The following CDR2 variants were observed in gnomAD, a reference collection of about 807,000 sequenced individuals.
CDR2 encodes the protein cerebellar degeneration-related protein 2.
In CDR2, 34 loss-of-function variants were observed where a neutral mutation model predicts 48.4. That is an observed-to-expected ratio of 0.70 (90% confidence interval 0.53 to 0.94). The LOEUF is 0.94. Ranked by LOEUF, CDR2 falls within the 40% of genes least tolerant of loss-of-function variation. The probability of loss-of-function intolerance (pLI) is 0.00; values close to 1 mark genes in which losing one functional copy is unlikely to be tolerated. For synonymous variants in CDR2, 240 were observed against 219.7 expected, an observed-to-expected ratio of 1.09 and a Z score of -0.82; for missense variants, 498 against 549.5, an observed-to-expected ratio of 0.91 and a Z score of 0.94.
intron 3 of CDR2, 85 bp from the exon 4 acceptor site, chr16:22,349,528 T>G (rs2048928464): frequency 6.7e-7 from 1 of 1,481,860 alleles, no homozygotes. Context: ...TGCAAACCAC[T>G]CACACTGGGC....
Position 22,347,178 on chromosome 16 carries a change from A to G in CDR2, c.1152T>C (p.Ala384=). The G allele has an allele frequency of 6.2e-7, 1 of 1,614,240 alleles. No homozygotes were observed. The highest frequency in any genetic ancestry group is 8.5e-7 in the Non-Finnish European group (1 of 1,180,038). The change falls in exon 5 of 5, where the codon GCT becomes GCC. Residue 384 remains alanine (A), a synonymous_variant. Coordinates refer to ENST00000268383, the MANE Select transcript of CDR2 (RefSeq NM_001802.2). Reference sequence around the variant, plus strand: ...TCACTCCAGTCAGGTCCTTGGCTGCAGCCCTGGAGGTCTGCACAGCCTTGT... The same window carrying G: ...TCACTCCAGTCAGGTCCTTGGCTGCGGCCCTGGAGGTCTGCACAGCCTTGT... ...LSHKAVQTSR[A]AAKDLTGVNA...
Position 22,347,435 on chromosome 16 carries a change from G to A in CDR2, c.895C>T (p.Pro299Ser), listed in dbSNP as rs773613659. The A allele has an allele frequency of 3.1e-6, 5 of 1,613,766 alleles. No individual in the cohort carries two copies. The Admixed American group carries it at 8.3e-5, about 27-fold the overall frequency. The change falls in exon 5 of 5, where the codon CCG becomes TCG. Residue 299 changes from proline (P) to serine (S), a missense_variant. Physicochemically the swap from Pro to Ser is moderately conservative, Grantham distance 74. Transcript: ENST00000268383. ...TTGAGAGGCTTTCTATGTGATTCCG[G>A]CACAGTCAGGAACATCTCTTCCAGC... ...SLLEEMFLTV[P>S]ESHRKPLKRS...
Position 22,346,428 on chromosome 16 carries a change from A to G in CDR2, c.*537T>C, listed in dbSNP as rs2048904610. ...TCACAGTTCAACTAGTTCAGATATAACAAAACTCAAGGACTTGGAGTATTG... is the reference window on the plus strand; with the variant it reads ...TCACAGTTCAACTAGTTCAGATATAGCAAAACTCAAGGACTTGGAGTATTG... On this transcript the variant is annotated 3_prime_UTR_variant, in exon 5 of 5. Coordinates refer to ENST00000268383, the MANE Select transcript of CDR2 (RefSeq NM_001802.2). 6.4e-6 allele frequency: 1 copy of G among 155,052 alleles called. No individual in the cohort carries two copies. The highest frequency in any genetic ancestry group is 2.4e-5 in the African/African-American group (1 of 41,464). The allele number at this position is 155,052 out of a possible 1,614,324, so 9.6% of individuals were successfully genotyped here.
At chr16:22,372,863 ATTCTT>A (rs2049087594) in intron 1 of CDR2, among the ~76,000 whole-genome samples, 2 of 152,212 alleles carry the variant, frequency 1.3e-5, no homozygotes, top group South Asian at 4.1e-4. Context: ...TCAGGTCTAC[ATTCTT>A]TTCTTCTGCC....
rs1336219844 is a variant in CDR2, at chr16:22,346,947, G to T, written c.*18C>A. 6.3e-7 allele frequency: 1 copy of T among 1,597,176 alleles called. No homozygotes were observed. The highest frequency in any genetic ancestry group is 8.6e-7 in the Non-Finnish European group (1 of 1,167,702). On this transcript the variant is annotated 3_prime_UTR_variant, in exon 5 of 5. Coordinates refer to ENST00000268383, the MANE Select transcript of CDR2 (RefSeq NM_001802.2). ...GCGATAGGCAATAGGCAAATTAGTA[G>T]TAGAGCTAGAGGTTCAATTAAGAAT...
At chr16:22,373,400 A>G (rs1393176870) in intron 1 of CDR2, among the ~76,000 whole-genome samples, 1 of 152,178 alleles carries the variant, frequency 6.6e-6, no homozygotes, top group Non-Finnish European at 1.5e-5. Context: ...TTAACGCCCA[A>G]CTGAAAAAAA....
In CDR2 at chr16:22,374,225, C is replaced by A; in HGVS notation, c.79+6G>T. 1 of 1,589,228 alleles carries A rather than the reference C, an allele frequency of 6.3e-7. No homozygotes were observed. The highest frequency in any genetic ancestry group is 1.1e-5 in the South Asian group (1 of 88,874). Reference sequence around the variant, plus strand: ...CCGCCCGCCCGCGGGGCGCCCCCGCCCTCACCTTGCTGGAGGTCCTGGTGG... The same window carrying A: ...CCGCCCGCCCGCGGGGCGCCCCCGCACTCACCTTGCTGGAGGTCCTGGTGG... On this transcript the variant is annotated splice_donor_region_variant and intron_variant, in intron 1 of 4. Transcript: ENST00000268383.
chr16:22,347,969 C>CAAAA, intron 4 of CDR2, 146 bp from the exon 5 acceptor site: 1 of 760,128 alleles, frequency 1.3e-6, no homozygotes, highest in Non-Finnish European at 2.1e-6. Context: ...GACGGAGTCT[C>CAAAA]ACTTTGTCGC....
intron 2 of CDR2, among the ~76,000 whole-genome samples, chr16:22,352,822 A>G (rs149629388): frequency 6.6e-6 from 1 of 152,352 alleles, no homozygotes; most frequent in Non-Finnish European, 1.5e-5. Flanking sequence ...GCCTGTGTGT[A>G]GTCTTCACTG....
chr16:22,372,418 G>A (rs969865148), intron 1 of CDR2, among the ~76,000 whole-genome samples: 2 of 152,100 alleles, frequency 1.3e-5, no homozygotes, highest in African/African-American at 2.4e-5. Flanking sequence ...TATTAAAATC[G>A]AGCTTCCAGT....
At chr16:22,351,751 G>C (rs1213501499) in intron 2 of CDR2, among the ~76,000 whole-genome samples, 1 of 152,160 alleles carries the variant, frequency 6.6e-6, no homozygotes, top group African/African-American at 2.4e-5. Flanking sequence ...CAAGGATAAA[G>C]GGGAATAATC....
chr16:22,367,574 A>T (rs2049051632), intron 1 of CDR2, among the ~76,000 whole-genome samples: 1 of 152,244 alleles, frequency 6.6e-6, no homozygotes, highest in Non-Finnish European at 1.5e-5. Flanking sequence ...TATGAAAAAA[A>T]TTTATCATAA....
intron 1 of CDR2, 52 bp downstream of exon 1, chr16:22,374,179 G>C: frequency 2.5e-6 from 3 of 1,196,266 alleles, no homozygotes; most frequent in Non-Finnish European, 3.6e-6. Context: ...TTTCGCAGCG[G>C]GGGCCTCCCG....
At chr16:22,347,937 A>AC in intron 4 of CDR2, 114 bp from the exon 5 acceptor site, 4 of 1,025,436 alleles carry the variant, frequency 3.9e-6, no homozygotes, top group Non-Finnish European at 4.2e-6. Flanking sequence ...ACAGTGACTA[A>AC]TTTTTTTTTC....
At chr16:22,364,498 T>C (rs75436575) in intron 2 of CDR2, among the ~76,000 whole-genome samples, 2,587 of 152,236 alleles carry the variant, frequency 0.017, 95 homozygotes, top group East Asian at 0.1. Flanking sequence ...AGTCTTCTTT[T>C]TTAAGCTAGG....
intron 1 of CDR2, among the ~76,000 whole-genome samples, chr16:22,373,700 CACCT>C (rs2049094185): frequency 6.6e-6 from 1 of 152,248 alleles, no homozygotes; most frequent in Non-Finnish European, 1.5e-5. Flanking sequence ...CAAATATATA[CACCT>C]ACCATGTACC....
At chr16:22,356,448 T>C (rs969871581) in intron 2 of CDR2, among the ~76,000 whole-genome samples, 1 of 151,980 alleles carries the variant, frequency 6.6e-6, no homozygotes, top group Non-Finnish European at 1.5e-5. Context: ...CAAAACCCCG[T>C]CTCTACTAAA....
chr16:22,365,083 T>A (rs2141851990), intron 1 of CDR2, 69 bp from the exon 2 acceptor site: 1 of 1,019,456 alleles, frequency 9.8e-7, no homozygotes. Flanking sequence ...AACCCAGTCC[T>A]TCAAAAAAGA....
intron 1 of CDR2, among the ~76,000 whole-genome samples, chr16:22,373,947 C>G (rs1426731951): frequency 6.6e-6 from 1 of 152,260 alleles, no homozygotes; most frequent in Non-Finnish European, 1.5e-5. Context: ...GAGGATTAAA[C>G]TAGCTAATCC....
Sources: allele counts gnomAD v4.1 joint callset (sites outside exome capture counted in the v4.1 genomes callset), GRCh38; gene constraint gnomAD v4.1.1; transcripts MANE v1.5; gene names NCBI Gene and HGNC (gene_info 2026-07-23, HGNC 2026-07-21).